FNDC3B: variants seen among roughly 807,000 people sequenced by gnomAD.
FNDC3B encodes fibronectin type III domain containing 3B.
Under a neutral mutation model 151.5 loss-of-function variants are expected in FNDC3B, and 12 were observed. The ratio of observed to expected loss-of-function variants is 0.08; its 90% CI spans 0.05 to 0.13. FNDC3B has a LOEUF of 0.13. FNDC3B is among the 10% of genes least tolerant of loss of function. FNDC3B has a pLI of 1.00. For missense variants in FNDC3B, 1,214 were observed against 1,505.3 expected (o/e 0.81, Z 3.20); for synonymous variants, 528 against 549.0 (o/e 0.96, Z 0.54).
intron 3 of FNDC3B, among the ~76,000 whole-genome samples, chr3:172,175,363 T>C (rs1576764480): frequency 6.6e-6 from 1 of 152,122 alleles, no homozygotes; most frequent in East Asian, 1.9e-4. Flanking sequence ...GATTTTATAG[T>C]CCTATACGTG....
intron 5 of FNDC3B, among the ~76,000 whole-genome samples, chr3:172,248,785 A>G (rs1172000135): frequency 6.7e-6 from 1 of 149,952 alleles, no homozygotes; most frequent in African/African-American, 2.4e-5. Flanking sequence ...ACTTATTCAC[A>G]GAAAAAACTT....
At chr3:172,053,039 C>A (rs1199221927) in intron 1 of FNDC3B, among the ~76,000 whole-genome samples, 3 of 152,208 alleles carry the variant, frequency 2.0e-5, no homozygotes, top group African/African-American at 7.2e-5. Context: ...CCAGCACTCA[C>A]TACTTGCCAG....
At chr3:172,043,128 G>T (rs1243024148) in intron 1 of FNDC3B, among the ~76,000 whole-genome samples, 6 of 152,128 alleles carry the variant, frequency 3.9e-5, no homozygotes, top group Admixed American at 1.3e-4. Context: ...TGTTAGCCAG[G>T]CTGGTCACGA....
intron 16 of FNDC3B, among the ~76,000 whole-genome samples, chr3:172,340,538 G>A (rs1196479247): frequency 1.3e-5 from 2 of 152,014 alleles, no homozygotes; most frequent in African/African-American, 4.8e-5. Flanking sequence ...CACCCACCTC[G>A]GCCTCCTAAA....
rs78586660 is a variant in FNDC3B at position 172,330,636 on chromosome 3, C to T, written c.1475C>T (p.Thr492Met). 51 of 1,614,018 alleles carry T rather than the reference C, an allele frequency of 3.2e-5. No homozygotes were observed. The highest frequency in any genetic ancestry group is 1.1e-4 in the East Asian group (5 of 44,902). Residue 492 changes from threonine (T) to methionine (M), a missense_variant, in exon 13 of 26, where the codon ACG (threonine) becomes ATG (methionine). By Grantham distance (81) the Thr-to-Met change is moderately conservative (BLOSUM62 -1). Transcript: ENST00000415807. Reference sequence around the variant, plus strand: ...GTTCGAGCTGGCATCACATGGGTCACGTTGCAGTGGAGTAAGCCAGAAGGC... The same window carrying T: ...GTTCGAGCTGGCATCACATGGGTCATGTTGCAGTGGAGTAAGCCAGAAGGC... ...RLVRAGITWV[T>M]LQWSKPEGCS...
intron 3 of FNDC3B, among the ~76,000 whole-genome samples, chr3:172,217,038 A>G (rs1012196874): frequency 6.6e-6 from 1 of 151,744 alleles, no homozygotes; most frequent in African/African-American, 2.4e-5. Flanking sequence ...CCCGTCCCCC[A>G]CATGGTTCTG....
chr3:172,169,174 T>C (rs1723166932), intron 3 of FNDC3B, among the ~76,000 whole-genome samples: 1 of 152,144 alleles, frequency 6.6e-6, no homozygotes, highest in African/African-American at 2.4e-5. Context: ...ACGTCAGCAC[T>C]CGGTCATGTC....
At chr3:172,334,151 C>T (rs934749686) in intron 14 of FNDC3B, among the ~76,000 whole-genome samples, 1 of 152,102 alleles carries the variant, frequency 6.6e-6, no homozygotes, top group Non-Finnish European at 1.5e-5. Context: ...TAAATAGTTG[C>T]CAAATTATCA....
At chr3:172,353,129 G>C (rs1348674153) in intron 22 of FNDC3B, 46 bp downstream of exon 22, 1 of 1,574,522 alleles carries the variant, frequency 6.4e-7, no homozygotes, top group Non-Finnish European at 8.7e-7. Flanking sequence ...TCAGCACTTG[G>C]GGATCTAAGT....
chr3:172,323,549 G>A (rs1457620621), intron 11 of FNDC3B, among the ~76,000 whole-genome samples: 1 of 152,084 alleles, frequency 6.6e-6, no homozygotes, highest in East Asian at 1.9e-4. Flanking sequence ...TAGAATATTT[G>A]GAAACAGTAT....
chr3:172,062,644 A>T (rs1169888400), intron 1 of FNDC3B, among the ~76,000 whole-genome samples: 1 of 151,980 alleles, frequency 6.6e-6, no homozygotes, highest in African/African-American at 2.4e-5. Context: ...TTGTATAAGT[A>T]TTATGATTGG....
At chr3:172,103,285 T>C (rs1368033387) in intron 1 of FNDC3B, among the ~76,000 whole-genome samples, 1 of 152,202 alleles carries the variant, frequency 6.6e-6, no homozygotes, top group Non-Finnish European at 1.5e-5. Context: ...GATGTAATTT[T>C]TTTCCATTTA....
intron 3 of FNDC3B, among the ~76,000 whole-genome samples, chr3:172,217,677 A>C (rs893850646): frequency 6.6e-6 from 1 of 152,146 alleles, no homozygotes; most frequent in Non-Finnish European, 1.5e-5. Flanking sequence ...AAGCCTAAAA[A>C]CAACTTGATA....
intron 3 of FNDC3B, among the ~76,000 whole-genome samples, chr3:172,175,558 C>G (rs1225005658): frequency 2.0e-5 from 3 of 152,102 alleles, no homozygotes; most frequent in Non-Finnish European, 4.4e-5. Flanking sequence ...TCAAATAGTT[C>G]TTCATTTAGC....
At chr3:172,392,335 T>A (rs1049185713) in intron 25 of FNDC3B, among the ~76,000 whole-genome samples, 1 of 152,144 alleles carries the variant, frequency 6.6e-6, no homozygotes, top group Non-Finnish European at 1.5e-5. Context: ...ATAAAAAGAA[T>A]AACAAAAGCA....
At chr3:172,042,079 TAAAA>T (rs77399297) in intron 1 of FNDC3B, among the ~76,000 whole-genome samples, 2 of 151,940 alleles carry the variant, frequency 1.3e-5, no homozygotes, top group African/African-American at 4.8e-5. Flanking sequence ...TACTTTAAGA[TAAAA>T]AAAATTCATC....
At chr3:172,144,407 G>A (rs953014454) in intron 3 of FNDC3B, among the ~76,000 whole-genome samples, 8 of 152,196 alleles carry the variant, frequency 5.3e-5, no homozygotes, top group Non-Finnish European at 8.8e-5. Context: ...AATGAAGGTG[G>A]CATAATGGTT....
At chr3:172,177,114 TCTGAAACTGA>T (rs1416484532) in intron 3 of FNDC3B, among the ~76,000 whole-genome samples, 3 of 152,206 alleles carry the variant, frequency 2.0e-5, no homozygotes, top group Admixed American at 2.0e-4. Context: ...GATGGAGGGT[TCTGAAACTGA>T]CTTAACAGGA....
intron 3 of FNDC3B, among the ~76,000 whole-genome samples, chr3:172,143,464 C>T (rs1227373830): frequency 6.6e-6 from 1 of 152,050 alleles, no homozygotes; most frequent in Non-Finnish European, 1.5e-5. Flanking sequence ...TTTTCCCAAA[C>T]TTTGTATTTA....
Sources: gnomAD v4.1 joint callset for allele counts (sites outside exome capture counted in the v4.1 genomes callset) on GRCh38, gnomAD v4.1.1 for gene constraint, MANE v1.5 for transcripts, NCBI Gene and HGNC (gene_info 2026-07-23, HGNC 2026-07-21) for gene names.